Variants in POLR3E observed in about 807,000 individuals in gnomAD.
POLR3E encodes RNA polymerase III subunit E.
A neutral mutation model predicts 96.6 loss-of-function variants in POLR3E; 41 were observed. The observed-to-expected ratio is 0.42, with a 90% CI of 0.33 to 0.55. The LOEUF is 0.55. Among genes scored for constraint, POLR3E ranks in the 20% least tolerant of loss-of-function variants. POLR3E has a pLI of 0.06. For synonymous variants in POLR3E, 396 were observed against 383.6 expected, an observed-to-expected ratio of 1.03 and a Z score of -0.38; for missense variants, 849 against 952.1, an observed-to-expected ratio of 0.89 and a Z score of 1.43.
intron 3 of POLR3E, among the ~76,000 whole-genome samples, chr16:22,307,216 C>T (rs2048151720): frequency 6.6e-6 from 1 of 152,170 alleles, no homozygotes. Context: ...GACTGGAAGC[C>T]AGGCCTGTGA....
chr16:22,301,769 T>C lies in POLR3E; in HGVS notation c.-38-1162T>C, dbSNP rs528975273. Among the ~76,000 whole-genome samples the C allele has an allele frequency of 1.2e-4, 18 of 150,476 alleles. No individual in the cohort carries two copies. The South Asian group carries it at 2.5e-3, about 21-fold the overall frequency. On this transcript the variant is annotated intron_variant, in intron 1 of 20. Coordinates refer to ENST00000299853, the MANE Select transcript of POLR3E (RefSeq NM_018119.4). Reference sequence around the variant, plus strand: ...GGCAAGTCCCTGTCTCTACTAAAAATAGAAAAATTAGCCGGGCCTGGTGGT... The same window carrying C: ...GGCAAGTCCCTGTCTCTACTAAAAACAGAAAAATTAGCCGGGCCTGGTGGT...
chr16:22,303,639 C>CTTTT lies in POLR3E; in HGVS notation c.36+650_36+653dup, dbSNP rs58949663. 1.5e-3 allele frequency among the ~76,000 whole-genome samples: 171 copies of CTTTT among 114,222 alleles called. 6 individuals carry two copies. In the Middle Eastern group the frequency reaches 0.021, roughly 14 times the overall value. 74.9% of individuals were successfully genotyped at this position (114,222 alleles called of 152,430 possible). A position where few individuals can be genotyped will look rare whatever the true frequency, so the allele number is the denominator to read the frequency against. On this transcript the variant is annotated intron_variant, in intron 2 of 20. Coordinates refer to ENST00000299853, the MANE Select transcript of POLR3E (RefSeq NM_018119.4). ...TACAGGCAGTGGGAGGCAGATTTCC[C>CTTTT]TTTTTTTTTTTTTTTTTTGGAGACA...
rs2048535689 is a variant in POLR3E at position 22,324,463 on chromosome 16, G to A, written c.1129-40G>A. 3.7e-6 allele frequency: 6 copies of A among 1,610,792 alleles called. No individual in the cohort carries two copies. The South Asian group carries it at 5.5e-5, about 15-fold the overall frequency. ...GGCCCAGGCTGCTGCTGGAGGGGAGGGGGCTGGCTGTGCCTCACGCTGGGC... is the reference window on the plus strand; with the variant it reads ...GGCCCAGGCTGCTGCTGGAGGGGAGAGGGCTGGCTGTGCCTCACGCTGGGC... On this transcript the variant is annotated intron_variant, in intron 15 of 20. Coordinates refer to ENST00000299853, the MANE Select transcript of POLR3E (RefSeq NM_018119.4).
At chr16:22,305,523 C>T (rs2048116859) in intron 3 of POLR3E, 1 of 571,610 alleles carries the variant, frequency 1.7e-6, no homozygotes, top group East Asian at 4.0e-5. Flanking sequence ...CTGTGCCTCA[C>T]TTTCCTCACT....
At position 22,309,055 on chromosome 16, in the gene POLR3E, C is replaced by CCAAGCCTGTCCGGTTG; in HGVS notation, c.281+30_281+31insGCAAGCCTGTCCGGTT. 6.4e-7 allele frequency: 1 copy of CCAAGCCTGTCCGGTTG among 1,571,160 alleles called. No homozygotes were observed. Among genetic ancestry groups the CCAAGCCTGTCCGGTTG allele is most frequent in the Non-Finnish European group, 8.8e-7 (1 of 1,142,726 alleles). On this transcript the variant is annotated intron_variant, in intron 5 of 20. Coordinates refer to ENST00000299853, the MANE Select transcript of POLR3E (RefSeq NM_018119.4). ...ACGTATTCCTCGTGAGTTTCCGGCCCCAAGCCTGTCCGGTTTCCCTGCGTT... is the reference window on the plus strand; with the variant it reads ...ACGTATTCCTCGTGAGTTTCCGGCCCCAAGCCTGTCCGGTTGCAAGCCTGTCCGGTTTCCCTGCGTT...
At chr16:22,327,236 T>C (rs1427569704) in intron 18 of POLR3E, 7 of 152,222 alleles carry the variant, frequency 4.6e-5, no homozygotes, top group Non-Finnish European at 1.0e-4. Context: ...TCCCTGTGTA[T>C]GAGGAATAGA....
chr16:22,329,539 G>C (rs991155721), intron 19 of POLR3E, among the ~76,000 whole-genome samples: 1 of 152,132 alleles, frequency 6.6e-6, no homozygotes, highest in African/African-American at 2.4e-5. Flanking sequence ...AAATCCCACT[G>C]AGCTCTCTGT....
intron 5 of POLR3E, 48 bp downstream of exon 5, chr16:22,309,088 G>GGA: frequency 4.4e-6 from 6 of 1,352,672 alleles, no homozygotes; most frequent in Non-Finnish European, 6.3e-6. Flanking sequence ...GTTCACACAG[G>GGA]AGCCTCCAAA....
intron 6 of POLR3E, among the ~76,000 whole-genome samples, chr16:22,310,912 A>G (rs1044819874): frequency 2.0e-5 from 3 of 151,822 alleles, no homozygotes; most frequent in African/African-American, 7.3e-5. Context: ...ATAGAGCAAG[A>G]CTCTGTCTTG....
At position 22,308,133 on chromosome 16, in the gene POLR3E, C is replaced by T. The variant is rs973181730; in HGVS notation, c.88-15C>T. The stretch of plus-strand genomic sequence containing the variant: ...CTGGGCAGAGTGGACTTAATGGCTC[C>T]CTTCCCCTCCCCAGTACCCTGTGCG... On this transcript the variant is annotated splice_polypyrimidine_tract_variant and intron_variant, in intron 3 of 20. Transcript: ENST00000299853. 3 of 1,608,226 alleles carry T rather than the reference C, an allele frequency of 1.9e-6. No homozygotes were observed. The highest frequency in any genetic ancestry group is 2.6e-6 in the Non-Finnish European group (3 of 1,174,792).
Position 22,315,156 on chromosome 16 carries a change from A to G in POLR3E, c.590A>G (p.Gln197Arg). 1 of 1,611,828 alleles carries G rather than the reference A, an allele frequency of 6.2e-7. No homozygotes were observed. The highest frequency in any genetic ancestry group is 1.1e-5 in the South Asian group (1 of 90,472). ...CGTGTGCAGTCCTATGAGTTCCTGC[A>G]GAAGAAGCACGCAGAGGAGCCCTGG... is the stretch of plus-strand genomic sequence containing the variant. ...QRRVQSYEFL[Q>R]KKHAEEPWVH... The change falls in exon 9 of 21, where the codon CAG (glutamine) becomes CGG (arginine). Residue 197 changes from glutamine to arginine, a missense_variant. Gln to Arg is a conservative substitution (Grantham distance 43). Transcript: ENST00000299853.
Position 22,309,050 on chromosome 16 carries a change from C to T in POLR3E, c.281+10C>T, listed in dbSNP as rs7196114. 0.014 allele frequency: 21,988 copies of T among 1,590,190 alleles called. 2,542 individuals are homozygous for T. In the African/African-American group the frequency reaches 0.25, roughly 18 times the overall value. On this transcript the variant is annotated intron_variant, in intron 5 of 20. Coordinates refer to ENST00000299853, the MANE Select transcript of POLR3E (RefSeq NM_018119.4). ...CCAGCACGTATTCCTCGTGAGTTTC[C>T]GGCCCCAAGCCTGTCCGGTTTCCCT...
intron 2 of POLR3E, 124 bp downstream of exon 2, chr16:22,303,128 C>G (rs570112238): frequency 1.1e-5 from 10 of 903,386 alleles, no homozygotes; most frequent in Non-Finnish European, 7.4e-6. Flanking sequence ...TTGCTGTTCC[C>G]TCTGCCTGGT....
At chr16:22,316,785 G>A (rs1024078197) in intron 10 of POLR3E, 99 bp downstream of exon 10, 5 of 1,056,528 alleles carry the variant, frequency 4.7e-6, no homozygotes, top group Non-Finnish European at 7.4e-6. Context: ...CCCTCCTGTA[G>A]CATGAGGGTG....
At chr16:22,319,118 G>T (rs1476171893) in intron 13 of POLR3E, among the ~76,000 whole-genome samples, 172 bp downstream of exon 13, 2 of 151,904 alleles carry the variant, frequency 1.3e-5, no homozygotes, top group African/African-American at 4.8e-5. Flanking sequence ...GGGATTATAG[G>T]TGCCCGCCAC....
chr16:22,325,774 G>T lies in POLR3E; in HGVS notation c.1362G>T (p.Leu454=). The T allele has an allele frequency of 3.2e-6, 5 of 1,577,878 alleles. No individual in the cohort carries two copies. The highest frequency in any genetic ancestry group is 4.3e-6 in the Non-Finnish European group (5 of 1,162,512). ...CCCTCCCCGCAGGGCCTGCCGGGCT[G>T]GTCTGTGGGGACCAGCGGATCCAAG... The part of the protein sequence containing the change: ...KPDAQSGPAG[L]VCGDQRIQVA... Residue 454 remains leucine (L), a synonymous_variant, in exon 18 of 21, where the codon CTG becomes CTT. Transcript: ENST00000299853.
chr16:22,328,232 C>T (rs978558048), intron 18 of POLR3E: 4 of 448,228 alleles, frequency 8.9e-6, no homozygotes, highest in African/African-American at 6.0e-5. Context: ...CGGAGGATAT[C>T]TGCAGACTCG....
At chr16:22,328,431 C>T (rs2048657341) in intron 18 of POLR3E, 79 bp from the exon 19 acceptor site, 4 of 1,190,016 alleles carry the variant, frequency 3.4e-6, no homozygotes, top group Non-Finnish European at 5.0e-6. Context: ...TGGGCTGGGG[C>T]AGACAGGGAG....
Position 22,318,758 on chromosome 16 carries a change from C to T in POLR3E, c.866-68C>T. The T allele has an allele frequency of 1.3e-6, 2 of 1,549,384 alleles. No individual in the cohort carries two copies. The highest frequency in any genetic ancestry group is 1.8e-6 in the Non-Finnish European group (2 of 1,138,142). On this transcript the variant is annotated intron_variant, in intron 12 of 20. Transcript: ENST00000299853. The surrounding 1 kb of genome is among the most constrained non-coding windows in gnomAD (Gnocchi z 5.0). ...TTACATGAACTTGAAGCTATGCGGA[C>T]TCTCGGTGGAGGGGAGGGAAGGGCC...
Sources: allele counts gnomAD v4.1 joint callset (sites outside exome capture counted in the v4.1 genomes callset), GRCh38; gene constraint gnomAD v4.1.1; non-coding constraint Gnocchi (gnomAD v3.1); transcripts MANE v1.5; gene names NCBI Gene and HGNC (gene_info 2026-07-23, HGNC 2026-07-21).